PHACTR2: variants seen among roughly 807,000 people sequenced by gnomAD.
PHACTR2 encodes chromosome 6 open reading frame 56.
PHACTR2 carries 30 observed loss-of-function variants against 76.0 expected under a neutral mutation model. That is an observed-to-expected ratio of 0.39 (90% CI 0.30 to 0.54). The LOEUF is 0.54. Among genes scored for constraint, PHACTR2 ranks in the 20% least tolerant of loss-of-function variants. The pLI, the probability that PHACTR2 is intolerant of heterozygous loss-of-function variation, is 0.61. For missense variants in PHACTR2, 696 were observed against 781.1 expected, an observed-to-expected ratio of 0.89 and a Z score of 1.30; for synonymous variants, 292 against 292.5, an observed-to-expected ratio of 1.00 and a Z score of 0.02.
chr6:143,663,502 T>G lies in PHACTR2; in HGVS notation c.14-48514T>G, dbSNP rs2128448895. Among the ~76,000 whole-genome samples, 1 of 152,340 alleles carries G rather than the reference T, an allele frequency of 6.6e-6. No individual in the cohort carries two copies. The highest frequency in any genetic ancestry group is 2.1e-4 in the South Asian group (1 of 4,828). ...GCTTTATCATTTAATATTGACCTAA[T>G]TCATTTGTGTGATTATCTTTCCCTG... On this transcript the variant is annotated intron_variant, in intron 1 of 11. Coordinates refer to the PHACTR2 transcript ENST00000305766. This position sits in a 1 kb window ranked among gnomAD's most constrained non-coding sequence, Gnocchi z 4.1.
At position 143,777,662 on chromosome 6, in the gene PHACTR2, T is replaced by C. The variant is rs1775314238; in HGVS notation, c.1645+279T>C. 6.6e-6 allele frequency among the ~76,000 whole-genome samples: 1 copy of C among 152,220 alleles called. No individual in the cohort carries two copies. The highest frequency in any genetic ancestry group is 6.5e-5 in the Admixed American group (1 of 15,282). ...GAAAGATGAAATATATTCCATGTATTCTTTCACCCAAATATTAAATAGAAA... is the reference window on the plus strand; with the variant it reads ...GAAAGATGAAATATATTCCATGTATCCTTTCACCCAAATATTAAATAGAAA... On this transcript the variant is annotated intron_variant, in intron 9 of 12. Coordinates refer to ENST00000440869, the MANE Select transcript of PHACTR2 (RefSeq NM_001100164.2). The surrounding 1 kb of genome is among the most constrained non-coding windows in gnomAD (Gnocchi z 4.6).
At chr6:143,673,538 C>A (rs1777192035), upstream of PHACTR2, among the ~76,000 whole-genome samples, 2 of 152,052 alleles carry the variant, frequency 1.3e-5, no homozygotes, top group Admixed American at 6.6e-5. Context: ...TAAAAGATGT[C>A]TTTAAGGACT....
At chr6:143,540,331 T>C (rs1160693682) in intron 1 of PHACTR2, among the ~76,000 whole-genome samples, 1 of 151,602 alleles carries the variant, frequency 6.6e-6, no homozygotes, top group East Asian at 1.9e-4. Context: ...TTGCCAAGAG[T>C]TGTCAGAGAA....
intron 1 of PHACTR2, among the ~76,000 whole-genome samples, chr6:143,706,634 C>T (rs1270622714): frequency 1.3e-5 from 2 of 152,170 alleles, no homozygotes; most frequent in South Asian, 2.1e-4. Context: ...ACCTGCACCC[C>T]GTGTGATGCC....
At position 143,664,259 on chromosome 6, in the gene PHACTR2, T is replaced by C. The variant is rs76964095; in HGVS notation, c.14-47757T>C. The stretch of plus-strand genomic sequence containing the variant: ...TAAGAATTTTCTTAGTAAATATTTT[T>C]CATACTTTTATTTTCAGCTTTTGCT... On this transcript the variant is annotated intron_variant, in intron 1 of 11. Coordinates refer to the PHACTR2 transcript ENST00000305766. The surrounding 1 kb of genome is among the most constrained non-coding windows in gnomAD (Gnocchi z 5.1). 0.031 allele frequency among the ~76,000 whole-genome samples: 4,672 copies of C among 152,214 alleles called. 247 individuals are homozygous for C. Among genetic ancestry groups the C allele is most frequent in the African/African-American group, 0.11 (4,413 of 41,524 alleles).
rs62427398 is a variant in PHACTR2 at position 143,710,311 on chromosome 6, T to C, written c.47-1705T>C. Among the ~76,000 whole-genome samples the C allele has an allele frequency of 0.11, 16,710 of 152,250 alleles. 999 individuals carry two copies. The highest frequency in any genetic ancestry group is 0.14 in the Non-Finnish European group (9,569 of 68,004). ...TTCTGAGGTCCCAGGCTTGTCTACC[T>C]TCCCTTGGCCTTACAGAATTTTCTT... On this transcript the variant is annotated intron_variant, in intron 1 of 12. Transcript: ENST00000440869. This position sits in a 1 kb window ranked among gnomAD's most constrained non-coding sequence, Gnocchi z 4.9.
At chr6:143,718,732 A>G (rs1778359955) in intron 2 of PHACTR2, among the ~76,000 whole-genome samples, 1 of 152,140 alleles carries the variant, frequency 6.6e-6, no homozygotes, top group African/African-American at 2.4e-5. Flanking sequence ...ATTTAGGATT[A>G]TTTTCCACAT....
chr6:143,697,915 A>G lies in PHACTR2; in HGVS notation c.47-14101A>G, dbSNP rs538534490. On this transcript the variant is annotated intron_variant, in intron 1 of 12. Transcript: ENST00000440869. The surrounding 1 kb of genome is among the most constrained non-coding windows in gnomAD (Gnocchi z 4.4). Reference sequence around the variant, plus strand: ...GACTCCTAATCTAGTGGTGAGAAGTATTATTTTTTCTTGCTTCTCAGAGAG... The same window carrying G: ...GACTCCTAATCTAGTGGTGAGAAGTGTTATTTTTTCTTGCTTCTCAGAGAG... Among the ~76,000 whole-genome samples, 1 of 152,288 alleles carries G rather than the reference A, an allele frequency of 6.6e-6. No individual in the cohort carries two copies. Among genetic ancestry groups the G allele is most frequent in the East Asian group, 1.9e-4 (1 of 5,188 alleles).
At chr6:143,628,924 GATATATATATATATATAT>G (rs71024862) in intron 1 of PHACTR2, among the ~76,000 whole-genome samples, 1,154 of 33,882 alleles carry the variant, frequency 0.034, 19 homozygotes, top group Middle Eastern at 0.1. Flanking sequence ...AAATGCAGGA[GATATATATATATATATAT>G]ATATATATAT....
intron 1 of PHACTR2, among the ~76,000 whole-genome samples, chr6:143,642,550 C>T (rs1776585599): frequency 6.6e-6 from 1 of 152,128 alleles, no homozygotes; most frequent in Admixed American, 6.5e-5. Context: ...AAGTCCTAAC[C>T]CGTAGTACCT....
chr6:143,549,442 C>G lies in PHACTR2; in HGVS notation c.217+12235C>G, dbSNP rs940628076. 3.9e-5 allele frequency among the ~76,000 whole-genome samples: 6 copies of G among 151,936 alleles called. No homozygotes were observed. The South Asian group carries it at 8.3e-4, about 21-fold the overall frequency. On this transcript the variant is annotated intron_variant, in intron 1 of 11. Coordinates refer to the PHACTR2 transcript ENST00000367584. The surrounding 1 kb of genome is among the most constrained non-coding windows in gnomAD (Gnocchi z 4.2). The stretch of plus-strand genomic sequence containing the variant: ...TGAGGTCACATGTGATTATCCAGAT[C>G]TGGATTTATTGTTTTTTTATGGGGG...
In PHACTR2 at chr6:143,788,920, C is replaced by T. The variant is rs1775617020; in HGVS notation, c.1845+10C>T. ...AACACCTGCAGACAAGGCAAGAATC[C>T]CAGTGGATTTTGTGTTGATTGTATT... On this transcript the variant is annotated intron_variant, in intron 11 of 12. Coordinates refer to ENST00000440869, the MANE Select transcript of PHACTR2 (RefSeq NM_001100164.2). 1.2e-6 allele frequency: 2 copies of T among 1,605,142 alleles called. No homozygotes were observed. Among genetic ancestry groups the T allele is most frequent in the Non-Finnish European group, 1.7e-6 (2 of 1,172,914 alleles).
At chr6:143,711,969 A>G in intron 1 of PHACTR2, 47 bp from the exon 2 acceptor site, 1 of 1,560,728 alleles carries the variant, frequency 6.4e-7, no homozygotes, top group Non-Finnish European at 8.8e-7. Context: ...TGGTTTTATT[A>G]CAACCTTTTT....
chr6:143,716,619 G>A (rs769920744), intron 2 of PHACTR2, among the ~76,000 whole-genome samples: 6 of 152,216 alleles, frequency 3.9e-5, no homozygotes, highest in East Asian at 1.9e-4. Flanking sequence ...GAGTACAGGC[G>A]TGAGCCACCT....
rs572250014 is a variant in PHACTR2 at position 143,690,627 on chromosome 6, C to T, written c.46+12418C>T. ...ATCCCTCCCAATTAATCAGGATGAA[C>T]GTTTTCCTTTTATCTGGAAGACTTA... On this transcript the variant is annotated intron_variant, in intron 1 of 12. Coordinates refer to ENST00000440869, the MANE Select transcript of PHACTR2 (RefSeq NM_001100164.2). Among the ~76,000 whole-genome samples the T allele has an allele frequency of 2.0e-4, 31 of 152,280 alleles. 2 individuals carry two copies. The South Asian group carries it at 6.0e-3, about 30-fold the overall frequency.
chr6:143,571,583 TA>T lies in PHACTR2; in HGVS notation c.217+34380del, dbSNP rs1400057968. ...ACTGCCACACCTGGTTAATTTTTTT[TA>T]AAATTTTTTTATAGAGATGAGGTCT... is the stretch of plus-strand genomic sequence containing the variant. On this transcript the variant is annotated intron_variant, in intron 1 of 11. Coordinates refer to the PHACTR2 transcript ENST00000367584. This position sits in a 1 kb window ranked among gnomAD's most constrained non-coding sequence, Gnocchi z 4.6. 0.011 allele frequency among the ~76,000 whole-genome samples: 1,561 copies of T among 146,342 alleles called. 29 individuals carry two copies. The highest frequency in any genetic ancestry group is 0.034 in the African/African-American group (1,367 of 40,080).
chr6:143,555,565 A>G (rs1014476470), intron 1 of PHACTR2, among the ~76,000 whole-genome samples: 12 of 152,174 alleles, frequency 7.9e-5, no homozygotes, highest in African/African-American at 2.7e-4. Context: ...CTGATGATCA[A>G]CACAGAAATA....
intron 1 of PHACTR2, among the ~76,000 whole-genome samples, chr6:143,668,086 T>C (rs1777075767): frequency 6.6e-6 from 1 of 152,196 alleles, no homozygotes; most frequent in South Asian, 2.1e-4. Flanking sequence ...ATTTTTAGCA[T>C]GAAGGGATGT....
Position 143,678,276 on chromosome 6 carries a change from G to A in PHACTR2, c.46+67G>A, listed in dbSNP as rs1397432282. The stretch of plus-strand genomic sequence containing the variant: ...GCAGGGCTGGCGGCGGGGCCCCGGG[G>A]CAGGCAGGGTTAGTCGTCTGGTCGG... On this transcript the variant is annotated intron_variant, in intron 1 of 12. Transcript: ENST00000440869. This position sits in a 1 kb window ranked among gnomAD's most constrained non-coding sequence, Gnocchi z 6.2. 32 of 1,374,046 alleles carry A rather than the reference G, an allele frequency of 2.3e-5. No homozygotes were observed. Among genetic ancestry groups the A allele is most frequent in the Non-Finnish European group, 3.0e-5 (32 of 1,060,298 alleles). 85.1% of individuals were successfully genotyped at this position (1,374,046 alleles called of 1,614,324 possible). A position where few individuals can be genotyped will look rare whatever the true frequency, so the allele number is the denominator to read the frequency against.
Sources: gnomAD v4.1 joint callset for allele counts (sites outside exome capture counted in the v4.1 genomes callset) on GRCh38, gnomAD v4.1.1 for gene constraint, Gnocchi (gnomAD v3.1) non-coding constraint, MANE v1.5 for transcripts, NCBI Gene and HGNC (gene_info 2026-07-23, HGNC 2026-07-21) for gene names.